The following TMEM131L variants were observed in gnomAD, a reference collection of about 807,000 sequenced individuals.
TMEM131L encodes transmembrane protein 131-like.
In TMEM131L, 54 loss-of-function variants were observed where a neutral mutation model predicts 192.2. That is an observed-to-expected ratio of 0.28 (90% CI 0.23 to 0.35). The LOEUF (loss-of-function observed/expected upper bound fraction) is 0.35, where lower values mean the gene tolerates loss of function less well. Among genes scored for constraint, TMEM131L ranks in the 10% least tolerant of loss-of-function variants. The probability of loss-of-function intolerance (pLI) is 1.00; values close to 1 mark genes in which losing one functional copy is unlikely to be tolerated. For synonymous variants in TMEM131L, 701 were observed against 704.9 expected, an observed-to-expected ratio of 0.99 and a Z score of 0.09; for missense variants, 1,888 against 1,972.9, an observed-to-expected ratio of 0.96 and a Z score of 0.82.
intron 3 of TMEM131L, among the ~76,000 whole-genome samples, chr4:153,488,855 G>A (rs534307568): frequency 2.0e-5 from 3 of 152,222 alleles, no homozygotes; most frequent in East Asian, 1.9e-4. Flanking sequence ...CGGGCTCGCC[G>A]GCAGCCTGTG....
At chr4:153,514,844 G>T (rs968222415) in intron 3 of TMEM131L, among the ~76,000 whole-genome samples, 1 of 150,666 alleles carries the variant, frequency 6.6e-6, no homozygotes, top group Non-Finnish European at 1.5e-5. Context: ...ATGGAGTCTC[G>T]CTCTGTCCCC....
chr4:153,609,343 T>A (rs1161835000), intron 25 of TMEM131L, among the ~76,000 whole-genome samples: 3 of 152,016 alleles, frequency 2.0e-5, no homozygotes, highest in African/African-American at 7.2e-5. Flanking sequence ...GTGAGAACTC[T>A]CTCACTATCA....
intron 9 of TMEM131L, among the ~76,000 whole-genome samples, chr4:153,582,430 G>GT (rs1561212531): frequency 2.3e-3 from 87 of 38,478 alleles, no homozygotes; most frequent in East Asian, 4.8e-3. Flanking sequence ...GTTTTTTTTT[G>GT]TTGTTTTTTT....
chr4:153,532,514 A>G (rs1305748952), intron 3 of TMEM131L, among the ~76,000 whole-genome samples: 1 of 151,994 alleles, frequency 6.6e-6, no homozygotes, highest in Non-Finnish European at 1.5e-5. Flanking sequence ...AAAGAGTGCA[A>G]CTCAATATTT....
At chr4:153,589,710 A>G (rs962604229) in intron 16 of TMEM131L, among the ~76,000 whole-genome samples, 1 of 152,240 alleles carries the variant, frequency 6.6e-6, no homozygotes, top group Non-Finnish European at 1.5e-5. Flanking sequence ...AGTGATCGAT[A>G]CTTCTCTCCA....
At chr4:153,558,074 A>T (rs2150483802) in intron 6 of TMEM131L, among the ~76,000 whole-genome samples, 184 bp from the exon 7 acceptor site, 1 of 152,354 alleles carries the variant, frequency 6.6e-6, no homozygotes, top group South Asian at 2.1e-4. Flanking sequence ...CTCAGCCAGC[A>T]TTCTGCATTT....
chr4:153,633,089 C>T (rs557328614), intron 32 of TMEM131L: 9 of 318,862 alleles, frequency 2.8e-5, no homozygotes, highest in East Asian at 2.3e-4. Flanking sequence ...TTAAAAAAGA[C>T]GATTTTTTCA....
At chr4:153,564,630 C>T (rs1044065153) in intron 7 of TMEM131L, among the ~76,000 whole-genome samples, 1 of 152,114 alleles carries the variant, frequency 6.6e-6, no homozygotes, top group African/African-American at 2.4e-5. Context: ...AAGTCACTGT[C>T]GTGGTGGGTC....
rs765879905 is a variant in TMEM131L, at chr4:153,622,988, G to A, written c.3950G>A (p.Arg1317His). 6.1e-5 allele frequency: 98 copies of A among 1,614,008 alleles called. No homozygotes were observed. Among genetic ancestry groups the A allele is most frequent in the East Asian group, 3.1e-4 (14 of 44,896 alleles). The change falls in exon 29 of 35, where the codon CGT becomes CAT. Residue 1317 changes from arginine to histidine, a missense_variant. Physicochemically the swap from Arg to His is conservative, Grantham distance 29. Coordinates refer to ENST00000409959, the MANE Select transcript of TMEM131L (RefSeq NM_001131007.2). ...SDCGSSSGSV[R>H]ASRGSWGSWS... Reference sequence around the variant, plus strand: ...TGTGGGAGCTCCTCTGGCAGCGTGCGTGCCAGCCGGGGCAGCTGGGGGAGC... The same window carrying A: ...TGTGGGAGCTCCTCTGGCAGCGTGCATGCCAGCCGGGGCAGCTGGGGGAGC...
At chr4:153,526,345 A>G (rs752142023) in intron 3 of TMEM131L, among the ~76,000 whole-genome samples, 2 of 152,090 alleles carry the variant, frequency 1.3e-5, no homozygotes, top group Non-Finnish European at 2.9e-5. Context: ...CCCTAACTTC[A>G]AGTTTCCAAC....
At chr4:153,525,778 A>T (rs1042322018) in intron 3 of TMEM131L, among the ~76,000 whole-genome samples, 3 of 152,238 alleles carry the variant, frequency 2.0e-5, no homozygotes, top group African/African-American at 7.2e-5. Context: ...CACAGGAATC[A>T]TCGAGGGATC....
chr4:153,533,569 C>T (rs181066168), intron 3 of TMEM131L, among the ~76,000 whole-genome samples: 11 of 152,314 alleles, frequency 7.2e-5, no homozygotes, highest in Admixed American at 6.5e-4. Context: ...GTTGCTGATT[C>T]AGATGGTTAG....
intron 20 of TMEM131L, among the ~76,000 whole-genome samples, chr4:153,596,890 G>C (rs1731478534): frequency 6.6e-6 from 1 of 152,140 alleles, no homozygotes; most frequent in African/African-American, 2.4e-5. Flanking sequence ...AGTTACTGCT[G>C]ACTGATTTAA....
chr4:153,498,560 G>T (rs77095102), intron 3 of TMEM131L, among the ~76,000 whole-genome samples: 108 of 152,210 alleles, frequency 7.1e-4, no homozygotes, highest in Non-Finnish European at 1.4e-3. Context: ...TTTGGAGGTG[G>T]GTAGGGAAGT....
At chr4:153,490,897 T>A (rs1461688936) in intron 3 of TMEM131L, among the ~76,000 whole-genome samples, 1 of 138,400 alleles carries the variant, frequency 7.2e-6, no homozygotes, top group Non-Finnish European at 1.5e-5. Context: ...GAGGTTGCAG[T>A]GAGCCGAGAT....
At chr4:153,632,601 G>A (rs1286877941) in intron 31 of TMEM131L, 117 bp from the exon 32 acceptor site, 1 of 1,100,638 alleles carries the variant, frequency 9.1e-7, no homozygotes, top group African/African-American at 1.6e-5. Flanking sequence ...AAAGGAGTTA[G>A]TCAGCATGTG....
intron 26 of TMEM131L, 123 bp downstream of exon 26, chr4:153,612,523 ATGTG>A (rs886351985): frequency 5.7e-6 from 4 of 705,172 alleles, no homozygotes; most frequent in Non-Finnish European, 9.0e-6. Flanking sequence ...GGTGAGTTTG[ATGTG>A]TGTGTGTTCA....
At chr4:153,515,004 G>GTC (rs1580114611) in intron 3 of TMEM131L, among the ~76,000 whole-genome samples, 1 of 152,020 alleles carries the variant, frequency 6.6e-6, no homozygotes, top group Non-Finnish European at 1.5e-5. Flanking sequence ...AGAGACAGGG[G>GTC]TCTCCCCATG....
chr4:153,546,340 C>G (rs1737173884), intron 3 of TMEM131L, among the ~76,000 whole-genome samples: 1 of 151,506 alleles, frequency 6.6e-6, no homozygotes, highest in Admixed American at 6.6e-5. Context: ...TGTGGGGACT[C>G]CTAAGAGTAA....
Sources: allele counts gnomAD v4.1 joint callset (sites outside exome capture counted in the v4.1 genomes callset), GRCh38; gene constraint gnomAD v4.1.1; transcripts MANE v1.5; gene names NCBI Gene and HGNC (gene_info 2026-07-23, HGNC 2026-07-21).